The following TPD52 variants were observed in gnomAD, a reference collection of about 807,000 sequenced individuals.
The protein encoded by TPD52 is tumor protein D52.
TPD52 carries 17 observed loss-of-function variants against 31.3 expected under a neutral mutation model. The observed-to-expected ratio is 0.54, with a 90% CI of 0.37 to 0.82. The LOEUF (loss-of-function observed/expected upper bound fraction) is 0.82, where lower values mean the gene tolerates loss of function less well. Ranked by LOEUF, TPD52 falls within the 40% of genes least tolerant of loss-of-function variation. The pLI is 0.00. For synonymous variants in TPD52, 83 were observed against 89.6 expected (o/e 0.93, Z 0.42); for missense variants, 212 against 240.1 (o/e 0.88, Z 0.77).
In TPD52 at chr8:80,130,778, G is replaced by A. The variant is rs566008786; in HGVS notation, c.19+40647C>T. Among the ~76,000 whole-genome samples, 5 of 152,234 alleles carry A rather than the reference G, an allele frequency of 3.3e-5. No homozygotes were observed. In the South Asian group the frequency reaches 1.0e-3, roughly 32 times the overall value. ...AGGAATATAAATCCTGGCATTTTCT[G>A]TTCAGTAAGAGTCTTCAATGCACTA... On this transcript the variant is annotated intron_variant, in intron 1 of 7. Coordinates refer to ENST00000518937, the MANE Select transcript of TPD52 (RefSeq NM_001025253.3).
rs1416249003 is a variant in TPD52 at position 80,038,169 on chromosome 8, C to CACCGA, written c.570_571insTCGGT (p.Ala191SerfsTer47). 6.2e-6 allele frequency: 10 copies of CACCGA among 1,613,960 alleles called. No homozygotes were observed. In the African/African-American group the frequency reaches 1.2e-4, roughly 19 times the overall value. On this transcript the variant is annotated frameshift_variant, in exon 8 of 8. Coordinates refer to ENST00000518937, the MANE Select transcript of TPD52 (RefSeq NM_001025253.3). LOFTEE classifies it high-confidence loss of function. ...AGAGGCTCCGTGGTGGTGGCACTAG[C>CACCGA]ATTTGCAGCCGAATTCAAGACTTCT... is the stretch of plus-strand genomic sequence containing the variant.
chr8:80,086,874 C>CAAAAAA (rs1219159471), intron 1 of TPD52, among the ~76,000 whole-genome samples: 2 of 22,264 alleles, frequency 9.0e-5, no homozygotes, highest in Non-Finnish European at 7.7e-5. Context: ...GACGCTGTCT[C>CAAAAAA]AACAAAAAAA....
chr8:80,086,874 C>CAAAAAAAAAAAAAAAAA (rs1219159471), intron 1 of TPD52, among the ~76,000 whole-genome samples: 1 of 22,268 alleles, frequency 4.5e-5, no homozygotes, highest in Non-Finnish European at 7.7e-5. Context: ...GACGCTGTCT[C>CAAAAAAAAAAAAAAAAA]AACAAAAAAA....
intron 1 of TPD52, among the ~76,000 whole-genome samples, chr8:80,105,796 A>C (rs1485630788): frequency 6.8e-6 from 1 of 146,678 alleles, no homozygotes; most frequent in Non-Finnish European, 1.5e-5. Flanking sequence ...CAGCGGTGCA[A>C]TCTTGGCTCA....
At chr8:80,051,315 T>A (rs1811363392) in intron 4 of TPD52, 2 of 556,670 alleles carry the variant, frequency 3.6e-6, no homozygotes, top group Non-Finnish European at 6.3e-6. Context: ...TCAACAACCT[T>A]AAATGATCAT....
chr8:80,098,446 A>G (rs758492158), intron 1 of TPD52, among the ~76,000 whole-genome samples: 2 of 152,184 alleles, frequency 1.3e-5, no homozygotes, highest in African/African-American at 2.4e-5. Flanking sequence ...AGGAGTTTGG[A>G]AGAGGGTGAT....
chr8:80,087,144 TCCC>T (rs531130629), intron 1 of TPD52, among the ~76,000 whole-genome samples: 1 of 151,876 alleles, frequency 6.6e-6, no homozygotes, highest in East Asian at 1.9e-4. Context: ...CCTTTTTTTT[TCCC>T]CCCATCAACT....
intron 1 of TPD52, among the ~76,000 whole-genome samples, chr8:80,134,704 T>C (rs894369156): frequency 5.3e-5 from 8 of 152,314 alleles, no homozygotes; most frequent in African/African-American, 1.9e-4. Context: ...TGAGGCCTCC[T>C]GCCAGCAACT....
intron 1 of TPD52, among the ~76,000 whole-genome samples, chr8:80,169,465 G>A (rs1811934798): frequency 6.6e-6 from 1 of 152,190 alleles, no homozygotes; most frequent in African/African-American, 2.4e-5. Flanking sequence ...CTTAGAATTA[G>A]ACACTTAAAC....
At chr8:80,143,134 CT>C (rs1809954736) in intron 1 of TPD52, among the ~76,000 whole-genome samples, 1 of 152,174 alleles carries the variant, frequency 6.6e-6, no homozygotes, top group South Asian at 2.1e-4. Flanking sequence ...CATCTCCCAT[CT>C]GAAAATTACT....
At chr8:80,048,765 C>T (rs578177410) in intron 5 of TPD52, among the ~76,000 whole-genome samples, 41 of 152,312 alleles carry the variant, frequency 2.7e-4, no homozygotes, top group Admixed American at 1.2e-3. Context: ...CAAAGTTTAA[C>T]TTTCAAAAGA....
intron 1 of TPD52, chr8:80,170,871 A>G: frequency 4.0e-6 from 1 of 252,362 alleles, no homozygotes; most frequent in Non-Finnish European, 7.7e-6. Flanking sequence ...TCAAACCCAC[A>G]GACACCACTC....
At chr8:80,104,261 G>C (rs900788840) in intron 1 of TPD52, among the ~76,000 whole-genome samples, 2 of 152,152 alleles carry the variant, frequency 1.3e-5, no homozygotes, top group Admixed American at 1.3e-4. Flanking sequence ...TCCCAGTTTG[G>C]GGGTGTGGGG....
intron 1 of TPD52, among the ~76,000 whole-genome samples, chr8:80,137,058 TA>T (rs1395763831): frequency 2.0e-5 from 3 of 152,256 alleles, no homozygotes; most frequent in Admixed American, 6.5e-5. Context: ...GGCAGCAAAA[TA>T]AAACATCAGC....
intron 1 of TPD52, among the ~76,000 whole-genome samples, chr8:80,071,542 C>T (rs1813786876): frequency 6.6e-6 from 1 of 152,112 alleles, no homozygotes; most frequent in Non-Finnish European, 1.5e-5. Flanking sequence ...TGGGTCACTA[C>T]CCTCATCTAG....
At chr8:80,046,359 A>G (rs1429987037) in intron 5 of TPD52, among the ~76,000 whole-genome samples, 1 of 152,208 alleles carries the variant, frequency 6.6e-6, no homozygotes. Flanking sequence ...AAAGGAGCAC[A>G]CATCAGCTTC....
intron 4 of TPD52, chr8:80,051,278 G>C: frequency 3.8e-6 from 2 of 520,064 alleles, no homozygotes; most frequent in Non-Finnish European, 6.8e-6. Context: ...GAACTAAAAA[G>C]ACAAAGAAGT....
At chr8:80,171,360 G>T in intron 1 of TPD52, 65 bp downstream of exon 1, 1 of 1,584,620 alleles carries the variant, frequency 6.3e-7, no homozygotes, top group Non-Finnish European at 8.6e-7. Context: ...CCCGCGCCGA[G>T]CCAAAGCCCG....
At chr8:80,099,363 AAAACAAAC>A (rs928121388) in intron 1 of TPD52, among the ~76,000 whole-genome samples, 2 of 152,200 alleles carry the variant, frequency 1.3e-5, no homozygotes, top group African/African-American at 4.8e-5. Flanking sequence ...CATTTATGAA[AAAACAAAC>A]AAACAAACAA....
Sources: allele counts gnomAD v4.1 joint callset (sites outside exome capture counted in the v4.1 genomes callset), GRCh38; gene constraint gnomAD v4.1.1; transcripts MANE v1.5; gene names NCBI Gene and HGNC (gene_info 2026-07-23, HGNC 2026-07-21).